Variants in CSTF3 observed in about 807,000 individuals in gnomAD.
CSTF3 encodes CF-1 77 kDa subunit.
In CSTF3, 29 loss-of-function variants were observed where a neutral mutation model predicts 105.8. The ratio of observed to expected loss-of-function variants is 0.27; its 90% CI spans 0.20 to 0.37. CSTF3 has a LOEUF of 0.37. Ranked by LOEUF, CSTF3 falls within the 10% of genes least tolerant of loss-of-function variation. The pLI is 1.00. For missense variants in CSTF3, 357 were observed against 879.3 expected, an observed-to-expected ratio of 0.41 and a Z score of 7.51; for synonymous variants, 252 against 281.9, an observed-to-expected ratio of 0.89 and a Z score of 1.06.
chr11:33,091,376 T>C (rs549133889), intron 16 of CSTF3, among the ~76,000 whole-genome samples: 1 of 152,308 alleles, frequency 6.6e-6, no homozygotes, highest in East Asian at 1.9e-4. Context: ...GCCTCTTATA[T>C]ACCAGATATG....
chr11:33,090,468 C>A (rs1855157982), intron 17 of CSTF3, 64 bp downstream of exon 17: 1 of 960,040 alleles, frequency 1.0e-6, no homozygotes. Flanking sequence ...TGCAGGTTAT[C>A]AATGAACTCT....
chr11:33,132,789 G>T (rs1318559228), intron 3 of CSTF3, among the ~76,000 whole-genome samples: 2 of 152,090 alleles, frequency 1.3e-5, no homozygotes, highest in African/African-American at 4.8e-5. Context: ...AAATGATCAC[G>T]TATTTGTCTA....
At chr11:33,150,219 T>TAAAAAAAAAAA (rs10714096) in intron 1 of CSTF3, among the ~76,000 whole-genome samples, 60 of 104,196 alleles carry the variant, frequency 5.8e-4, no homozygotes, top group African/African-American at 9.8e-4. Context: ...TGTCTCAAAC[T>TAAAAAAAAAAA]AAAAAAAAAA....
chr11:33,128,135 A>G (rs1855562942), intron 3 of CSTF3, among the ~76,000 whole-genome samples: 1 of 152,146 alleles, frequency 6.6e-6, no homozygotes, highest in Non-Finnish European at 1.5e-5. Flanking sequence ...TGGTAAAAAC[A>G]TTTCTAGGAA....
chr11:33,107,461 G>A (rs1855338344), intron 5 of CSTF3, among the ~76,000 whole-genome samples: 1 of 152,154 alleles, frequency 6.6e-6, no homozygotes, highest in African/African-American at 2.4e-5. Context: ...GGCAAAGATG[G>A]GGAGGTGGGT....
At chr11:33,095,723 A>C (rs1855214329) in intron 15 of CSTF3, among the ~76,000 whole-genome samples, 1 of 151,454 alleles carries the variant, frequency 6.6e-6, no homozygotes, top group Non-Finnish European at 1.5e-5. Flanking sequence ...CCGGAGGCTG[A>C]GGCAGGAGAA....
At chr11:33,110,702 C>G (rs1855370668) in intron 3 of CSTF3, among the ~76,000 whole-genome samples, 2 of 151,982 alleles carry the variant, frequency 1.3e-5, no homozygotes. Flanking sequence ...TGTAAACTTC[C>G]AATGTGGGAA....
intron 1 of CSTF3, among the ~76,000 whole-genome samples, chr11:33,149,220 TAGC>T (rs1297109227): frequency 6.6e-6 from 1 of 152,220 alleles, no homozygotes; most frequent in Non-Finnish European, 1.5e-5. Context: ...CCTGGGGAAT[TAGC>T]AGAAGTATCA....
At chr11:33,089,358 A>C (rs898220704) in intron 17 of CSTF3, among the ~76,000 whole-genome samples, 34 of 152,082 alleles carry the variant, frequency 2.2e-4, no homozygotes, top group Middle Eastern at 3.4e-3. Context: ...AAAAAAAAAA[A>C]AGACAGAAAC....
chr11:33,133,181 A>C (rs1855618598), intron 3 of CSTF3, among the ~76,000 whole-genome samples: 1 of 152,216 alleles, frequency 6.6e-6, no homozygotes, highest in South Asian at 2.1e-4. Flanking sequence ...AACACAATAA[A>C]GTTTGAGTCA....
chr11:33,146,766 T>G (rs1462301617), intron 1 of CSTF3, among the ~76,000 whole-genome samples: 1 of 152,094 alleles, frequency 6.6e-6, no homozygotes, highest in Non-Finnish European at 1.5e-5. Context: ...CTGAGAAATA[T>G]TCACTCAGTG....
At chr11:33,116,251 C>T (rs189765583) in intron 3 of CSTF3, among the ~76,000 whole-genome samples, 2 of 152,168 alleles carry the variant, frequency 1.3e-5, no homozygotes, top group East Asian at 1.9e-4. Flanking sequence ...GTCATGTGTC[C>T]TTAGGATTTA....
chr11:33,161,203 A>G, intron 1 of CSTF3, 96 bp downstream of exon 1: 1 of 1,378,944 alleles, frequency 7.3e-7, no homozygotes, highest in East Asian at 2.3e-5. Flanking sequence ...GGTTCACTAG[A>G]CCCAATTCCT....
rs1296009106 is a variant in CSTF3 at position 33,127,994 on chromosome 11, A to C, written c.225+13673T>G. ...AACTTTCCATTTTTTCATTTAAAAA[A>C]TTCATATAAAATAAGCAATCTTTTT... On this transcript the variant is annotated intron_variant, in intron 3 of 20. Transcript: ENST00000323959. 2.0e-5 allele frequency among the ~76,000 whole-genome samples: 3 copies of C among 152,228 alleles called. No homozygotes were observed. The East Asian group carries it at 5.8e-4, about 29-fold the overall frequency.
intron 13 of CSTF3, 101 bp from the exon 14 acceptor site, chr11:33,097,079 G>C: frequency 1.3e-6 from 1 of 799,926 alleles, no homozygotes; most frequent in South Asian, 2.7e-5. Flanking sequence ...TAGGAATTTA[G>C]ATAATATTCT....
intron 1 of CSTF3, among the ~76,000 whole-genome samples, chr11:33,159,362 G>A (rs1849907074): frequency 6.6e-6 from 1 of 152,050 alleles, no homozygotes; most frequent in Non-Finnish European, 1.5e-5. Flanking sequence ...TTGGAAGGCA[G>A]AGGTAGGCGG....
At chr11:33,093,544 G>A (rs1180440544) in intron 15 of CSTF3, among the ~76,000 whole-genome samples, 1 of 152,056 alleles carries the variant, frequency 6.6e-6, no homozygotes, top group African/African-American at 2.4e-5. Flanking sequence ...GGTAAAAACA[G>A]GTGAAATTAA....
rs1001568012 is a variant in CSTF3, at chr11:33,161,373, G to C, written c.-48C>G. On this transcript the variant is annotated 5_prime_UTR_variant, in exon 1 of 21. Transcript: ENST00000323959. ...CGCACTGACCGTCGATGGGAAGCTA[G>C]AAAAGAAAAATTAAACTAAAAACCA... is the stretch of plus-strand genomic sequence containing the variant. 5.6e-6 allele frequency: 9 copies of C among 1,607,040 alleles called. No individual in the cohort carries two copies. Among genetic ancestry groups the C allele is most frequent in the Non-Finnish European group, 7.6e-6 (9 of 1,178,722 alleles).
chr11:33,092,128 T>C, intron 16 of CSTF3, 143 bp downstream of exon 16: 3 of 546,162 alleles, frequency 5.5e-6, no homozygotes, highest in Non-Finnish European at 9.6e-6. Flanking sequence ...ATAAAAGTAC[T>C]GCTGATAGGT....
Sources: gnomAD v4.1 joint callset for allele counts (sites outside exome capture counted in the v4.1 genomes callset) on GRCh38, gnomAD v4.1.1 for gene constraint, MANE v1.5 for transcripts, NCBI Gene and HGNC (gene_info 2026-07-23, HGNC 2026-07-21) for gene names.